The following TPM4 variants were observed in gnomAD, a reference collection of about 807,000 sequenced individuals.
The protein encoded by TPM4 is tropomyosin 4.
A neutral mutation model predicts 35.8 loss-of-function variants in TPM4; 17 were observed. The ratio of observed to expected loss-of-function variants is 0.47; its 90% confidence interval spans 0.32 to 0.71. The LOEUF (loss-of-function observed/expected upper bound fraction) is 0.71. Among genes scored for constraint, TPM4 ranks in the 30% least tolerant of loss-of-function variants. TPM4 has a pLI of 0.03. For missense variants in TPM4, 240 were observed against 320.9 expected (o/e 0.75, Z 1.93); for synonymous variants, 120 against 122.9 (o/e 0.98, Z 0.15).
intron 1 of TPM4, 44 bp downstream of exon 1, chr19:16,076,741 C>T: frequency 7.8e-7 from 1 of 1,285,092 alleles, no homozygotes; most frequent in Non-Finnish European, 9.9e-7. Context: ...GCCTCCTCCC[C>T]CGCGCGCCCT....
chr19:16,094,293 G>A (rs1159878116), intron 7 of TPM4, among the ~76,000 whole-genome samples: 1 of 152,090 alleles, frequency 6.6e-6, no homozygotes, highest in Non-Finnish European at 1.5e-5. Context: ...TAGCACTTTG[G>A]GAGGCCGAGG....
In TPM4 at chr19:16,070,524, C is replaced by G. The variant is rs1029715278; in HGVS notation, c.114+2786C>G. 6.6e-6 allele frequency among the ~76,000 whole-genome samples: 1 copy of G among 152,164 alleles called. No individual in the cohort carries two copies. The highest frequency in any genetic ancestry group is 2.1e-4 in the South Asian group (1 of 4,818). ...AGCCCGGCAGCTAAAGGCGAAAGCT[C>G]GGAGCTCAGACTGGCCATGTTTGAG... On this transcript the variant is annotated intron_variant, in intron 2 of 2. Transcript: ENST00000589897. This position sits in a 1 kb window ranked among gnomAD's most constrained non-coding sequence, Gnocchi z 7.4.
At chr19:16,076,931 C>T in intron 1 of TPM4, 1 of 860,070 alleles carries the variant, frequency 1.2e-6, no homozygotes, top group Non-Finnish European at 1.5e-6. Flanking sequence ...CCGGGTCGGG[C>T]GGGGCCGGCC....
intron 2 of TPM4, among the ~76,000 whole-genome samples, chr19:16,069,302 TG>T (rs1191428538): frequency 3.3e-5 from 5 of 152,026 alleles, no homozygotes; most frequent in Non-Finnish European, 7.4e-5. Context: ...TGAATGTGTA[TG>T]GATGAGTGTG....
rs575570718 is a variant in TPM4, at chr19:16,087,324, C to G, written c.385-703C>G. ...GGGCATGGTGGCTCACGCCGGTAAT[C>G]CCAGCACTTTGGGAGGCCAAGGCAG... On this transcript the variant is annotated intron_variant, in intron 3 of 7. Transcript: ENST00000643579. 2.6e-5 allele frequency among the ~76,000 whole-genome samples: 4 copies of G among 152,282 alleles called. No homozygotes were observed. In the East Asian group the frequency reaches 7.7e-4, roughly 29 times the overall value.
intron 2 of TPM4, among the ~76,000 whole-genome samples, chr19:16,085,459 A>G (rs1355572330): frequency 6.6e-6 from 1 of 152,002 alleles, no homozygotes; most frequent in Non-Finnish European, 1.5e-5. Context: ...CCAGCTACTC[A>G]GGAGGCCGAG....
intron 5 of TPM4, chr19:16,093,174 T>G (rs1476175864): frequency 4.0e-5 from 4 of 100,810 alleles, no homozygotes; most frequent in Admixed American, 1.1e-4. Flanking sequence ...TTTCTTTCTG[T>G]TTTTTTTTTG....
chr19:16,097,855 C>A (rs2090718666), intron 7 of TPM4, among the ~76,000 whole-genome samples: 1 of 152,048 alleles, frequency 6.6e-6, no homozygotes, highest in Non-Finnish European at 1.5e-5. Context: ...TCTATTCATC[C>A]ATTCCTCCAA....
intron 2 of TPM4, among the ~76,000 whole-genome samples, chr19:16,084,181 C>A (rs2090520562): frequency 6.6e-6 from 1 of 152,190 alleles, no homozygotes; most frequent in Non-Finnish European, 1.5e-5. Flanking sequence ...CCTGCCTTGG[C>A]CTCCCAAAGT....
At chr19:16,080,810 A>T (rs909844570) in intron 1 of TPM4, 34 of 370,390 alleles carry the variant, frequency 9.2e-5, no homozygotes, top group Admixed American at 3.7e-4. Flanking sequence ...CTCCATCTCA[A>T]AAAAAAAATT....
At chr19:16,069,551 AGT>A (rs1341340147) in intron 2 of TPM4, among the ~76,000 whole-genome samples, 2 of 10,098 alleles carry the variant, frequency 2.0e-4, no homozygotes, top group Non-Finnish European at 5.3e-4. Flanking sequence ...TGTGTGGATG[AGT>A]GTGTGTTTCT....
intron 5 of TPM4, among the ~76,000 whole-genome samples, chr19:16,090,248 C>T (rs10401621): frequency 0.35 from 52,409 of 151,206 alleles, 9,765 homozygotes; most frequent in East Asian, 0.79. Flanking sequence ...TCCTGAGTAG[C>T]TAGGACTTGC....
At chr19:16,093,412 T>C in intron 5 of TPM4, 124 bp from the exon 6 acceptor site, 1 of 1,028,520 alleles carries the variant, frequency 9.7e-7, no homozygotes, top group Non-Finnish European at 1.5e-6. Context: ...GCCAGGCTGG[T>C]CTCGAACTCC....
intron 1 of TPM4, chr19:16,077,011 G>A (rs2090417426): frequency 3.2e-6 from 1 of 316,198 alleles, no homozygotes; most frequent in African/African-American, 2.2e-5. Flanking sequence ...GCGGCGGGAG[G>A]GGGCGTATCG....
chr19:16,099,070 CTGTGTGTGTGTGTG>C (rs3222768), intron 7 of TPM4, among the ~76,000 whole-genome samples: 4 of 109,748 alleles, frequency 3.6e-5, no homozygotes, highest in African/African-American at 1.1e-4. Context: ...TCACTTGACT[CTGTGTGTGTGTGTG>C]TGTGTGTGTG....
chr19:16,072,363 C>T (rs2090363820), upstream of TPM4, among the ~76,000 whole-genome samples: 1 of 152,214 alleles, frequency 6.6e-6, no homozygotes, highest in Non-Finnish European at 1.5e-5. Context: ...GAAAGCTCTG[C>T]TCAGGGCAGC....
upstream of TPM4, among the ~76,000 whole-genome samples, chr19:16,073,138 G>A (rs915029649): frequency 1.3e-5 from 2 of 152,068 alleles, no homozygotes; most frequent in African/African-American, 4.8e-5. Flanking sequence ...GAGCCCAGGA[G>A]TTCGAGACCA....
chr19:16,068,073 C>CTG, intron 2 of TPM4: 1 of 390,330 alleles, frequency 2.6e-6, no homozygotes, highest in Non-Finnish European at 4.7e-6. Context: ...TGGGGACATG[C>CTG]TGTGTGTGTG....
At chr19:16,076,021 C>G (rs1157108918), upstream of TPM4, 1 of 1,461,788 alleles carries the variant, frequency 6.8e-7, no homozygotes. Flanking sequence ...CCCAGGCTGA[C>G]CCGTTCCTCG....
Sources: gnomAD v4.1 joint callset for allele counts (sites outside exome capture counted in the v4.1 genomes callset) on GRCh38, gnomAD v4.1.1 for gene constraint, Gnocchi (gnomAD v3.1) non-coding constraint, MANE v1.5 for transcripts, NCBI Gene and HGNC (gene_info 2026-07-23, HGNC 2026-07-21) for gene names.